TUT4: variants seen among roughly 807,000 people sequenced by gnomAD.
TUT4 encodes terminal uridylyl transferase 4.
Under a neutral mutation model 192.2 loss-of-function variants are expected in TUT4, and 36 were observed. That is an observed-to-expected ratio of 0.19 (90% CI 0.14 to 0.25). The LOEUF is 0.25. TUT4 is among the 10% of genes least tolerant of loss of function. TUT4 has a pLI of 1.00. For missense variants in TUT4, 1,493 were observed against 1,957.2 expected (o/e 0.76, Z 4.47); for synonymous variants, 618 against 666.0 (o/e 0.93, Z 1.11).
Position 52,489,035 on chromosome 1 carries a change from A to G in TUT4, c.1389T>C (p.Ser463=). The G allele has an allele frequency of 1.2e-6, 2 of 1,605,856 alleles. No homozygotes were observed. Among genetic ancestry groups the G allele is most frequent in the Non-Finnish European group, 1.7e-6 (2 of 1,177,708 alleles). The change falls in exon 9 of 30, where the codon AGT becomes AGC. Residue 463 remains serine, a splice_region_variant and synonymous_variant. Transcript: ENST00000257177. ...VPVVVCRDRK[S]GLLCRVSAGN... is the part of the protein sequence containing the mutation. ...CTGCACTCACTCTACAAAGTAAACC[A>G]CTGTGAATGAGAAAGAAACAAATTT... is the stretch of plus-strand genomic sequence containing the variant.
intron 4 of TUT4, among the ~76,000 whole-genome samples, chr1:52,508,005 G>A (rs1016249498): frequency 6.6e-6 from 1 of 151,856 alleles, no homozygotes; most frequent in Non-Finnish European, 1.5e-5. Context: ...TAGAAACAGG[G>A]TTTTGCCACG....
At chr1:52,454,408 T>C (rs748662841) in intron 20 of TUT4, among the ~76,000 whole-genome samples, 5 of 152,198 alleles carry the variant, frequency 3.3e-5, no homozygotes, top group Non-Finnish European at 5.9e-5. Context: ...GGCCCAAAAG[T>C]ATATAAATAT....
chr1:52,475,110 C>T lies in TUT4; in HGVS notation c.2449G>A (p.Asp817Asn), dbSNP rs754782471. 22 of 1,614,016 alleles carry T rather than the reference C, an allele frequency of 1.4e-5. No homozygotes were observed. The highest frequency in any genetic ancestry group is 2.7e-5 in the African/African-American group (2 of 74,914). The change falls in exon 13 of 30, where the codon GAT becomes AAT. Residue 817 changes from aspartate (D) to asparagine (N), a missense_variant. Physicochemically the swap from Asp to Asn is conservative, Grantham distance 23. Around this residue, in one of 7 missense-constraint regions of TUT4, gnomAD observed 245 missense variants for 218.4 expected, o/e 1.12. Transcript: ENST00000257177. The part of the protein sequence containing the change: ...EIEPKLDKKQ[D>N]DLAPSETCLK... Reference sequence around the variant, plus strand: ...CAAGTTTCTGAAGGCGCTAAATCATCTTGTTTCTTATCTAATTTTGGCTCT... The same window carrying T: ...CAAGTTTCTGAAGGCGCTAAATCATTTTGTTTCTTATCTAATTTTGGCTCT...
intron 20 of TUT4, among the ~76,000 whole-genome samples, chr1:52,451,791 C>T (rs1428827537): frequency 5.4e-5 from 8 of 149,256 alleles, no homozygotes; most frequent in Non-Finnish European, 8.9e-5. Context: ...TGCAGTGAGC[C>T]GAGATCACGC....
At chr1:52,493,573 T>TAAAAAAAAAAAA in intron 7 of TUT4, 38 bp downstream of exon 7, 3 of 1,043,356 alleles carry the variant, frequency 2.9e-6, no homozygotes, top group Non-Finnish European at 2.6e-6. Flanking sequence ...AAAGACAAAT[T>TAAAAAAAAAAAA]AAAAAAAAAA....
chr1:52,434,243 G>GT (rs1450431428), intron 27 of TUT4: 2 of 152,144 alleles, frequency 1.3e-5, no homozygotes, highest in Non-Finnish European at 2.9e-5. Context: ...ATACTTGAAT[G>GT]TTTTTTCTAA....
intron 2 of TUT4, among the ~76,000 whole-genome samples, chr1:52,516,350 A>G (rs1678709328): frequency 6.6e-6 from 1 of 152,222 alleles, no homozygotes; most frequent in Non-Finnish European, 1.5e-5. Context: ...CAAAGCTAAT[A>G]TAACATAATC....
chr1:52,484,220 A>G (rs1343688570), intron 9 of TUT4, among the ~76,000 whole-genome samples: 3 of 152,186 alleles, frequency 2.0e-5, no homozygotes, highest in African/African-American at 7.2e-5. Context: ...TCTCTGAAAA[A>G]AATTAAAATG....
chr1:52,510,564 C>T (rs1273438216), intron 3 of TUT4, among the ~76,000 whole-genome samples: 1 of 152,158 alleles, frequency 6.6e-6, no homozygotes, highest in Admixed American at 6.5e-5. Flanking sequence ...CTTGAGGTCA[C>T]AACTGAAGGG....
chr1:52,476,912 G>C (rs922997912), intron 12 of TUT4, among the ~76,000 whole-genome samples: 22 of 152,190 alleles, frequency 1.4e-4, no homozygotes, highest in African/African-American at 5.3e-4. Flanking sequence ...TTAAATTTTT[G>C]ATTAAGAATT....
intron 1 of TUT4, among the ~76,000 whole-genome samples, chr1:52,536,845 G>A (rs1051392617): frequency 2.7e-5 from 4 of 149,484 alleles, no homozygotes; most frequent in East Asian, 2.0e-4. Context: ...CAAGAGTTTC[G>A]TCTCAAAAAA....
Position 52,456,897 on chromosome 1 carries a change from A to C in TUT4, c.3435+1439T>G, listed in dbSNP as rs370099826. Reference sequence around the variant, plus strand: ...GATTATATGTCAATGTAGGTTCATCAGTTGTAAAAAATGTACCACTCTGGT... The same window carrying C: ...GATTATATGTCAATGTAGGTTCATCCGTTGTAAAAAATGTACCACTCTGGT... On this transcript the variant is annotated intron_variant, in intron 20 of 29. Coordinates refer to ENST00000257177, the MANE Select transcript of TUT4 (RefSeq NM_001009881.3). 7.2e-4 allele frequency among the ~76,000 whole-genome samples: 109 copies of C among 152,314 alleles called. No homozygotes were observed. The Middle Eastern group carries it at 0.014, about 19-fold the overall frequency.
chr1:52,529,867 T>C (rs1682875108), intron 1 of TUT4: 1 of 152,244 alleles, frequency 6.6e-6, no homozygotes, highest in Admixed American at 6.5e-5. Context: ...TGAGACATGG[T>C]CTTGCTCTGT....
intron 1 of TUT4, among the ~76,000 whole-genome samples, chr1:52,541,027 A>G (rs1571475722): frequency 1.3e-5 from 2 of 151,898 alleles, no homozygotes; most frequent in East Asian, 3.9e-4. Context: ...CCAACATGGT[A>G]AAACACTGTC....
chr1:52,483,736 G>C (rs964424299), intron 9 of TUT4, among the ~76,000 whole-genome samples: 2 of 152,156 alleles, frequency 1.3e-5, no homozygotes, highest in Admixed American at 1.3e-4. Flanking sequence ...CTTGAACCCA[G>C]GAGGTAGAGG....
chr1:52,473,931 G>A (rs1327389466), intron 13 of TUT4, among the ~76,000 whole-genome samples: 2 of 152,158 alleles, frequency 1.3e-5, no homozygotes, highest in Non-Finnish European at 2.9e-5. Flanking sequence ...ATCTGGCCAG[G>A]TGCAGTAGCT....
Position 52,525,765 on chromosome 1 carries a change from T to C in TUT4, c.516A>G (p.Arg172=), listed in dbSNP as rs758044536. 12 of 1,614,060 alleles carry C rather than the reference T, an allele frequency of 7.4e-6. No homozygotes were observed. The highest frequency in any genetic ancestry group is 1.0e-5 in the Non-Finnish European group (12 of 1,180,036). The change falls in exon 2 of 30, where the codon AGA becomes AGG. Residue 172 remains arginine (R), a synonymous_variant. Coordinates refer to ENST00000257177, the MANE Select transcript of TUT4 (RefSeq NM_001009881.3). ...CAATCTGTTGTAATTCTGTCTTCTG[T>C]CTCATGTCTTTCAACAGTAAACTGG... ...KGPSLLLKDM[R]QKTELQQIGK... is the part of the protein sequence containing the mutation.
At chr1:52,479,864 G>A (rs1033436066) in intron 11 of TUT4, among the ~76,000 whole-genome samples, 5 of 151,832 alleles carry the variant, frequency 3.3e-5, no homozygotes, top group African/African-American at 4.8e-5. Context: ...CATGGTGGCC[G>A]GGCACCTGTA....
At position 52,544,124 on chromosome 1, in the gene TUT4, A is replaced by AGT. The variant is rs200251178; in HGVS notation, c.-94+8806_-94+8807insAC. Among the ~76,000 whole-genome samples the AGT allele has an allele frequency of 5.0e-3, 758 of 152,118 alleles. 8 individuals carry two copies. Among genetic ancestry groups the AGT allele is most frequent in the African/African-American group, 0.017 (702 of 41,520 alleles). On this transcript the variant is annotated intron_variant, in intron 1 of 29. Transcript: ENST00000257177. ...AACATGGTGAAACCCCGTCTCTACT[A>AGT]AAAATACAAAAACTTAGCCGGGTGT...
Sources: allele counts gnomAD v4.1 joint callset (sites outside exome capture counted in the v4.1 genomes callset), GRCh38; gene constraint gnomAD v4.1.1; regional missense constraint gnomAD v4.1.1; transcripts MANE v1.5; gene names NCBI Gene and HGNC (gene_info 2026-07-23, HGNC 2026-07-21).